Variants in EWSR1 observed in about 807,000 individuals in gnomAD.
EWSR1 encodes EWS RNA binding protein 1.
A neutral mutation model predicts 92.1 loss-of-function variants in EWSR1; 14 were observed. The ratio of observed to expected loss-of-function variants is 0.15; its 90% CI spans 0.10 to 0.24. EWSR1 has a LOEUF of 0.24. Among genes scored for constraint, EWSR1 ranks in the 10% least tolerant of loss-of-function variants. EWSR1 has a pLI of 1.00. For synonymous variants in EWSR1, 303 were observed against 292.9 expected, an observed-to-expected ratio of 1.03 and a Z score of -0.35; for missense variants, 637 against 870.9, an observed-to-expected ratio of 0.73 and a Z score of 3.38.
chr22:29,291,357 G>A, intron 8 of EWSR1: 1 of 522,732 alleles, frequency 1.9e-6, no homozygotes, highest in Non-Finnish European at 3.4e-6. Context: ...AACCACACTG[G>A]TGTGTACAAT....
chr22:29,273,918 A>C, intron 4 of EWSR1, 54 bp downstream of exon 4: 1 of 1,606,496 alleles, frequency 6.2e-7, no homozygotes, highest in Non-Finnish European at 8.5e-7. Flanking sequence ...GCATTGGCTA[A>C]GAAGCTTATT....
intron 2 of EWSR1, 24 bp from the exon 3 acceptor site, chr22:29,272,356 T>C (rs2058749531): frequency 6.2e-7 from 1 of 1,614,030 alleles, no homozygotes; most frequent in Non-Finnish European, 8.5e-7. Flanking sequence ...TCTATTCAAG[T>C]TATTGCATTT....
chr22:29,298,080 C>A, intron 13 of EWSR1, 131 bp downstream of exon 13: 1 of 1,052,590 alleles, frequency 9.5e-7, no homozygotes, highest in Non-Finnish European at 1.3e-6. Context: ...CGAGAGCTAA[C>A]AATGAATGTT....
At chr22:29,291,506 A>G in intron 8 of EWSR1, 56 bp from the exon 9 acceptor site, 1 of 1,575,464 alleles carries the variant, frequency 6.3e-7, no homozygotes, top group South Asian at 1.2e-5. Context: ...CCCAAGGCTC[A>G]GAGCGGTACT....
At chr22:29,287,492 G>A (rs1408836281) in intron 7 of EWSR1, among the ~76,000 whole-genome samples, 1 of 152,218 alleles carries the variant, frequency 6.6e-6, no homozygotes, top group Non-Finnish European at 1.5e-5. Context: ...ACAGTCATGA[G>A]CCACTGCGCC....
chr22:29,287,666 A>G (rs1321507125), intron 7 of EWSR1, among the ~76,000 whole-genome samples: 2 of 152,192 alleles, frequency 1.3e-5, no homozygotes, highest in African/African-American at 4.8e-5. Context: ...GCCTTGGCAA[A>G]AAAGAAAAGA....
intron 5 of EWSR1, among the ~76,000 whole-genome samples, chr22:29,280,457 G>A (rs1215426919): frequency 6.6e-6 from 1 of 152,120 alleles, no homozygotes; most frequent in African/African-American, 2.4e-5. Flanking sequence ...GGGCCAAGAG[G>A]TAATAGAAAC....
At chr22:29,300,007 CT>C in intron 16 of EWSR1, 114 bp from the exon 17 acceptor site, 5 of 719,400 alleles carry the variant, frequency 7.0e-6, no homozygotes, top group Non-Finnish European at 3.7e-6. Context: ...GAAGGGCTTC[CT>C]CACCCCTTCC....
rs1278469827 is a variant in EWSR1, at chr22:29,282,786, G to A, written c.581+229G>A. On this transcript the variant is annotated intron_variant, in intron 6 of 16. Transcript: ENST00000397938. ...TTTTTTTTTTTTTTTCCCCCGAGACGGAGTCTCTCTCTGTCGCCCAGGCTG... is the reference window on the plus strand; with the variant it reads ...TTTTTTTTTTTTTTTCCCCCGAGACAGAGTCTCTCTCTGTCGCCCAGGCTG... 8.8e-5 allele frequency among the ~76,000 whole-genome samples: 13 copies of A among 148,380 alleles called. No homozygotes were observed. The East Asian group carries it at 1.2e-3, about 13-fold the overall frequency.
Position 29,291,748 on chromosome 22 carries a change from G to T in EWSR1, c.1012+149G>T, listed in dbSNP as rs1317223151. ...GGGTACTGCCGGCATTGTCTTAGGG[G>T]TTAATAAGGTTAACCTATGGTTACA... On this transcript the variant is annotated intron_variant, in intron 9 of 16. Coordinates refer to ENST00000397938, the MANE Select transcript of EWSR1 (RefSeq NM_005243.4). The T allele has an allele frequency of 4.3e-6, 3 of 695,980 alleles. No homozygotes were observed. In the African/African-American group the frequency reaches 5.4e-5, roughly 13 times the overall value. 43.1% of individuals were successfully genotyped at this position (695,980 alleles called of 1,614,324 possible). A position where few individuals can be genotyped will look rare whatever the true frequency, so the allele number is the denominator to read the frequency against.
chr22:29,274,425 T>C (rs766263729), intron 4 of EWSR1: 120 of 834,602 alleles, frequency 1.4e-4, no homozygotes, highest in Middle Eastern at 2.3e-4. Context: ...GAAAAACTGC[T>C]TCAGGTGCCA....
At chr22:29,273,171 C>CT in intron 3 of EWSR1, among the ~76,000 whole-genome samples, 1 of 152,312 alleles carries the variant, frequency 6.6e-6, no homozygotes, top group East Asian at 1.9e-4. Flanking sequence ...AGACAGTACT[C>CT]TTGATGTGCC....
chr22:29,296,488 C>A, intron 12 of EWSR1, 120 bp downstream of exon 12: 1 of 1,228,396 alleles, frequency 8.1e-7, no homozygotes, highest in South Asian at 1.4e-5. Flanking sequence ...GGTAGATGGC[C>A]GGTCTCCCTG....
At chr22:29,283,894 G>A (rs1412534308) in intron 6 of EWSR1, among the ~76,000 whole-genome samples, 1 of 150,780 alleles carries the variant, frequency 6.6e-6, no homozygotes, top group Non-Finnish European at 1.5e-5. Flanking sequence ...GAGTGCAATG[G>A]CGTGATCTTG....
chr22:29,299,012 C>A, intron 14 of EWSR1, 117 bp downstream of exon 14: 1 of 1,334,498 alleles, frequency 7.5e-7, no homozygotes, highest in Non-Finnish European at 1.0e-6. Flanking sequence ...ACCCTGATGG[C>A]TGGTTAGGGA....
Position 29,282,516 on chromosome 22 carries a change from C to T in EWSR1, c.540C>T (p.Pro180=). ...YSYPQVPGSY[P]MQPVTAPPSY... is the part of the protein sequence containing the mutation. ...ATCCCCAGGTACCTGGGAGCTACCC[C>T]ATGCAGCCAGTCACTGCACCTCCAT... is the stretch of plus-strand genomic sequence containing the variant. Residue 180 remains proline (P), a synonymous_variant, in exon 6 of 17, where the codon CCC becomes CCT. Transcript: ENST00000397938. 2 of 1,550,788 alleles carry T rather than the reference C, an allele frequency of 1.3e-6. No individual in the cohort carries two copies.
intron 16 of EWSR1, 110 bp downstream of exon 16, chr22:29,299,961 T>C (rs2061215118): frequency 6.5e-7 from 1 of 1,528,354 alleles, no homozygotes; most frequent in Non-Finnish European, 8.8e-7. Flanking sequence ...GTGATAGTGG[T>C]TGGGAGGAGC....
At chr22:29,299,025 C>G (rs1191813617) in intron 14 of EWSR1, 130 bp downstream of exon 14, 3 of 1,317,186 alleles carry the variant, frequency 2.3e-6, no homozygotes, top group South Asian at 1.4e-5. Context: ...GTTAGGGACA[C>G]TAGTCAGCCA....
At chr22:29,299,003 C>A in intron 14 of EWSR1, 108 bp downstream of exon 14, 2 of 1,365,662 alleles carry the variant, frequency 1.5e-6, no homozygotes, top group East Asian at 2.3e-5. Flanking sequence ...AGAATGATGA[C>A]CCTGATGGCT....
Sources: gnomAD v4.1 joint callset for allele counts (sites outside exome capture counted in the v4.1 genomes callset) on GRCh38, gnomAD v4.1.1 for gene constraint, MANE v1.5 for transcripts, NCBI Gene and HGNC (gene_info 2026-07-23, HGNC 2026-07-21) for gene names.